PRP4K: variants seen among roughly 807,000 people sequenced by gnomAD.
The protein encoded by PRP4K is pre-mRNA processing factor kinase PRP4K.
the PRP4K span, chr6:4,044,339 TAAG>T: frequency 4.1e-6 from 1 of 245,414 alleles, no homozygotes; most frequent in Non-Finnish European, 7.9e-6. Flanking sequence ...CTCTGTCAGT[TAAG>T]AACATTAATG....
chr6:4,021,547 C>T, the PRP4K span: 6 of 1,532,240 alleles, frequency 3.9e-6, no homozygotes, highest in African/African-American at 8.3e-5. Context: ...CGGGAAAGTT[C>T]GGGCCTAACG....
the PRP4K span, chr6:4,050,450 A>G: frequency 1.6e-5 from 6 of 367,934 alleles, no homozygotes; most frequent in East Asian, 3.1e-4. Flanking sequence ...ATAACAACTT[A>G]AACTCCTTCC....
chr6:4,046,459 G>A, the PRP4K span, among the ~76,000 whole-genome samples: 1 of 151,988 alleles, frequency 6.6e-6, no homozygotes, highest in Non-Finnish European at 1.5e-5. Context: ...TTTTAGCCAG[G>A]TTTTCTGTGG....
the PRP4K span, chr6:4,021,600 G>A: frequency 7.8e-7 from 1 of 1,275,034 alleles, no homozygotes. Flanking sequence ...TTCGTTGTGG[G>A]GTGGGAGGCA....
chr6:4,046,166 TG>T, the PRP4K span, among the ~76,000 whole-genome samples: 1 of 152,356 alleles, frequency 6.6e-6, no homozygotes, highest in East Asian at 1.9e-4. Context: ...GAAGTGGGAT[TG>T]CTGGGTCAGA....
the PRP4K span, among the ~76,000 whole-genome samples, chr6:4,026,454 C>T: frequency 2.0e-5 from 3 of 151,978 alleles, no homozygotes; most frequent in African/African-American, 7.3e-5. Context: ...AGGCATCCGC[C>T]ATTATGCCCG....
chr6:4,046,398 A>G, the PRP4K span, among the ~76,000 whole-genome samples: 1 of 152,164 alleles, frequency 6.6e-6, no homozygotes, highest in Non-Finnish European at 1.5e-5. Flanking sequence ...ATGAGCATGC[A>G]TTCATATGGT....
At chr6:4,053,433 T>C in the PRP4K span, among the ~76,000 whole-genome samples, 1 of 152,198 alleles carries the variant, frequency 6.6e-6, no homozygotes, top group Non-Finnish European at 1.5e-5. Context: ...CCACTTTTCC[T>C]GATCCTCTCC....
chr6:4,032,615 C>T, the PRP4K span: 22 of 1,614,036 alleles, frequency 1.4e-5, no homozygotes, highest in Admixed American at 1.5e-4. Flanking sequence ...CAAGAAGAAG[C>T]AGGTCTCCAC....
At chr6:4,041,117 G>A in the PRP4K span, among the ~76,000 whole-genome samples, 2 of 152,174 alleles carry the variant, frequency 1.3e-5, no homozygotes, top group Non-Finnish European at 2.9e-5. Flanking sequence ...TTTTCTGAAT[G>A]TAGGTGTTTC....
the PRP4K span, chr6:4,064,762 T>C: frequency 6.6e-6 from 1 of 152,640 alleles, no homozygotes; most frequent in African/African-American, 2.4e-5. Flanking sequence ...ATAGATGTCA[T>C]TATGGCATCC....
chr6:4,049,947 T>G, the PRP4K span: 1 of 1,504,362 alleles, frequency 6.6e-7, no homozygotes. Flanking sequence ...ATTTTTAAAC[T>G]ATTTTTTTAA....
the PRP4K span, chr6:4,032,903 A>C: frequency 1.0e-6 from 1 of 960,224 alleles, no homozygotes; most frequent in Admixed American, 3.8e-5. Context: ...TAAGTAACCC[A>C]ATCCATTAAC....
At chr6:4,052,143 C>G in the PRP4K span, 1 of 1,498,902 alleles carries the variant, frequency 6.7e-7, no homozygotes, top group East Asian at 2.4e-5. Flanking sequence ...ACTTCTTCAT[C>G]TTTACGATCT....
At chr6:4,051,910 A>C in the PRP4K span, 2 of 1,298,542 alleles carry the variant, frequency 1.5e-6, no homozygotes, top group South Asian at 1.5e-5. Flanking sequence ...AGTGCTCCTA[A>C]ATTCTGTATA....
At chr6:4,051,949 T>TA in the PRP4K span, 20 of 1,514,830 alleles carry the variant, frequency 1.3e-5, no homozygotes, top group Admixed American at 2.2e-5. Flanking sequence ...TTTTTTTTTT[T>TA]ATTTTAGGCA....
chr6:4,044,361 CA>C, the PRP4K span: 1 of 202,306 alleles, frequency 4.9e-6, no homozygotes, highest in Non-Finnish European at 1.0e-5. Flanking sequence ...TGTTTTAAAA[CA>C]TTAAATAAGA....
the PRP4K span, among the ~76,000 whole-genome samples, chr6:4,034,067 T>C: frequency 6.6e-6 from 1 of 152,168 alleles, no homozygotes; most frequent in Non-Finnish European, 1.5e-5. Context: ...CTGTAAATTG[T>C]CTCCCTTTTC....
the PRP4K span, among the ~76,000 whole-genome samples, chr6:4,035,210 G>A: frequency 6.7e-6 from 1 of 149,014 alleles, no homozygotes; most frequent in Admixed American, 6.7e-5. Context: ...TCTGCCTCCT[G>A]GGTTCAAGCA....
Sources: allele counts gnomAD v4.1 joint callset (sites outside exome capture counted in the v4.1 genomes callset), GRCh38; gene constraint gnomAD v4.1.1; transcripts MANE v1.5; gene names NCBI Gene and HGNC (gene_info 2026-07-23, HGNC 2026-07-21).